Variants in DENND1A observed in about 807,000 individuals in gnomAD.
DENND1A encodes the protein DENN domain containing 1A.
DENND1A carries 51 observed loss-of-function variants against 113.7 expected under a neutral mutation model. The observed-to-expected ratio is 0.45, with a 90% CI of 0.36 to 0.57. The LOEUF (loss-of-function observed/expected upper bound fraction) is 0.57, where lower values mean the gene tolerates loss of function less well. Among genes scored for constraint, DENND1A ranks in the 20% least tolerant of loss-of-function variants. DENND1A has a pLI of 0.00. For missense variants in DENND1A, 1,258 were observed against 1,395.9 expected (o/e 0.90, Z 1.57); for synonymous variants, 565 against 570.8 (o/e 0.99, Z 0.14).
intron 4 of DENND1A, among the ~76,000 whole-genome samples, chr9:123,765,974 TA>T (rs759585647): frequency 6.6e-5 from 10 of 152,198 alleles, no homozygotes; most frequent in Non-Finnish European, 1.3e-4. Context: ...TTTCCTTCTA[TA>T]AAATGGGGAG....
chr9:123,874,119 T>G (rs1441647329), intron 2 of DENND1A, among the ~76,000 whole-genome samples: 1 of 149,410 alleles, frequency 6.7e-6, no homozygotes, highest in African/African-American at 2.5e-5. Context: ...GAGTCTGAAG[T>G]GGGAGGATCG....
At chr9:123,393,068 G>A (rs2042937232) in intron 21 of DENND1A, among the ~76,000 whole-genome samples, 2 of 152,162 alleles carry the variant, frequency 1.3e-5, no homozygotes, top group African/African-American at 4.8e-5. Flanking sequence ...TGATTGATGG[G>A]CCTTTGGGCT....
At chr9:123,808,502 T>G (rs988910341) in intron 2 of DENND1A, among the ~76,000 whole-genome samples, 2 of 151,484 alleles carry the variant, frequency 1.3e-5, no homozygotes, top group Admixed American at 1.3e-4. Flanking sequence ...CGCCTCAGCC[T>G]CCCAAGTAGC....
chr9:123,885,475 T>A (rs981423839), intron 1 of DENND1A, among the ~76,000 whole-genome samples: 7 of 152,224 alleles, frequency 4.6e-5, no homozygotes, highest in African/African-American at 1.7e-4. Flanking sequence ...TCACTTCTCT[T>A]TCTCTGACAA....
intron 13 of DENND1A, among the ~76,000 whole-genome samples, chr9:123,513,161 G>A (rs2053595417): frequency 6.6e-6 from 1 of 152,182 alleles, no homozygotes; most frequent in South Asian, 2.1e-4. Flanking sequence ...TGACCTCTGG[G>A]TGGAAGGGCT....
intron 10 of DENND1A, among the ~76,000 whole-genome samples, chr9:123,610,723 GGTAGA>G (rs2060380996): frequency 6.6e-6 from 1 of 152,178 alleles, no homozygotes; most frequent in Non-Finnish European, 1.5e-5. Flanking sequence ...TGGGGCAGCT[GGTAGA>G]GTAGAGGTGG....
At chr9:123,926,520 T>A (rs1390774846) in intron 1 of DENND1A, among the ~76,000 whole-genome samples, 3 of 132,324 alleles carry the variant, frequency 2.3e-5, no homozygotes, top group South Asian at 2.3e-4. Context: ...TGAGCCAAGA[T>A]CATGCCATTG....
intron 1 of DENND1A, among the ~76,000 whole-genome samples, chr9:123,904,726 C>T (rs984386325): frequency 2.7e-5 from 4 of 150,870 alleles, no homozygotes; most frequent in Admixed American, 6.6e-5. Context: ...ACCAAATCTA[C>T]GCCTGATTGG....
At position 123,855,063 on chromosome 9, in the gene DENND1A, T is replaced by C. The variant is rs1052090031; in HGVS notation, c.88+23888A>G. 5.9e-5 allele frequency among the ~76,000 whole-genome samples: 9 copies of C among 151,386 alleles called. 1 individual carries two copies. Among genetic ancestry groups the C allele is most frequent in the African/African-American group, 1.2e-4 (5 of 40,660 alleles). The stretch of plus-strand genomic sequence containing the variant: ...AACACAATTATAATGTCCAGTTCTA[T>C]GTAAATGGAGCTATTTCAAAAGCCT... On this transcript the variant is annotated intron_variant, in intron 2 of 23. Coordinates refer to ENST00000394215, the MANE Select transcript of DENND1A (RefSeq NM_001352964.2).
At chr9:123,824,605 G>T (rs1858642) in intron 2 of DENND1A, among the ~76,000 whole-genome samples, 1,762 of 151,984 alleles carry the variant, frequency 0.012, 34 homozygotes, top group African/African-American at 0.041. Flanking sequence ...GTAAAGAAAA[G>T]AAAGATGTCA....
intron 5 of DENND1A, among the ~76,000 whole-genome samples, chr9:123,707,388 TC>T (rs1287992607): frequency 7.3e-6 from 1 of 136,846 alleles, no homozygotes; most frequent in East Asian, 2.1e-4. Flanking sequence ...GAGCGTTAAC[TC>T]CATCTCAAAA....
At chr9:123,463,925 T>A (rs1042783153) in intron 13 of DENND1A, among the ~76,000 whole-genome samples, 21 of 115,284 alleles carry the variant, frequency 1.8e-4, no homozygotes, top group African/African-American at 5.8e-4. Flanking sequence ...AAAAAAAAAT[T>A]AAAAATAAAA....
intron 19 of DENND1A, among the ~76,000 whole-genome samples, chr9:123,415,112 A>G (rs1243328564): frequency 6.6e-6 from 1 of 152,212 alleles, no homozygotes; most frequent in Non-Finnish European, 1.5e-5. Context: ...TAGCAGAGTG[A>G]GCCAGCGGGA....
Position 123,380,730 on chromosome 9 carries a change from A to G in DENND1A, c.*702T>C, listed in dbSNP as rs1401338943. ...GTTTCCATTTTCCTTCTATAAATCA[A>G]AGTTGCTGGTGCTCGCAGCCCCCGT... On this transcript the variant is annotated 3_prime_UTR_variant, in exon 24 of 24. Transcript: ENST00000394215. 1 of 152,530 alleles carries G rather than the reference A, an allele frequency of 6.6e-6. No homozygotes were observed. The highest frequency in any genetic ancestry group is 2.1e-4 in the South Asian group (1 of 4,826). 9.4% of individuals were successfully genotyped at this position (152,530 alleles called of 1,614,324 possible).
intron 21 of DENND1A, among the ~76,000 whole-genome samples, chr9:123,391,942 G>C (rs2042872192): frequency 6.6e-6 from 1 of 152,090 alleles, no homozygotes; most frequent in African/African-American, 2.4e-5. Flanking sequence ...CAGAAGAAAG[G>C]CTGGCCGTCC....
At chr9:123,876,727 A>G (rs1250260104) in intron 2 of DENND1A, among the ~76,000 whole-genome samples, 1 of 152,222 alleles carries the variant, frequency 6.6e-6, no homozygotes, top group African/African-American at 2.4e-5. Flanking sequence ...ATTACCGAGT[A>G]TATACCCAAA....
intron 2 of DENND1A, among the ~76,000 whole-genome samples, chr9:123,833,622 T>G (rs554563456): frequency 3.3e-5 from 5 of 152,332 alleles, no homozygotes; most frequent in Non-Finnish European, 5.9e-5. Context: ...TGTGCCTCCA[T>G]GTTTGATGTA....
At chr9:123,782,109 G>C (rs1365449091) in intron 3 of DENND1A, among the ~76,000 whole-genome samples, 1 of 152,064 alleles carries the variant, frequency 6.6e-6, no homozygotes, top group African/African-American at 2.4e-5. Context: ...AATATTTTAA[G>C]GGGTAGGGGA....
intron 22 of DENND1A, among the ~76,000 whole-genome samples, chr9:123,385,556 G>T (rs764737367): frequency 6.6e-6 from 1 of 152,222 alleles, no homozygotes; most frequent in African/African-American, 2.4e-5. Flanking sequence ...TGGGGGAAGG[G>T]CACCACCTGG....
Sources: allele counts gnomAD v4.1 joint callset (sites outside exome capture counted in the v4.1 genomes callset), GRCh38; gene constraint gnomAD v4.1.1; transcripts MANE v1.5; gene names NCBI Gene and HGNC (gene_info 2026-07-23, HGNC 2026-07-21).